PRKCQ: variants seen among roughly 807,000 people sequenced by gnomAD.
PRKCQ encodes protein kinase C theta type.
In PRKCQ, 41 loss-of-function variants were observed where a neutral mutation model predicts 91.2. The observed-to-expected ratio is 0.45, with a 90% CI of 0.35 to 0.58. PRKCQ has a LOEUF of 0.58. PRKCQ is among the 20% of genes least tolerant of loss of function. The pLI is 0.00. For missense variants in PRKCQ, 673 were observed against 896.5 expected (o/e 0.75, Z 3.18); for synonymous variants, 307 against 316.9 (o/e 0.97, Z 0.33).
At chr10:6,404,795 CCTT>C in the PRKCQ span, among the ~76,000 whole-genome samples, 1 of 133,400 alleles carries the variant, frequency 7.5e-6, no homozygotes. Flanking sequence ...CTCCTTCCTT[CCTT>C]CTTTCTCTCT....
At chr10:6,407,717 T>C in the PRKCQ span, among the ~76,000 whole-genome samples, 1 of 152,126 alleles carries the variant, frequency 6.6e-6, no homozygotes, top group African/African-American at 2.4e-5. This position sits in a 1 kb window ranked among gnomAD's most constrained non-coding sequence, Gnocchi z 4.0. Flanking sequence ...GGTGTGTGTG[T>C]TCATGTAACA....
At chr10:6,554,688 T>A (rs1840339118) in intron 1 of PRKCQ, among the ~76,000 whole-genome samples, 1 of 152,222 alleles carries the variant, frequency 6.6e-6, no homozygotes. Context: ...AGTCTTTTAT[T>A]AGAATTTACT....
At chr10:6,496,930 A>T in intron 7 of PRKCQ, 105 bp downstream of exon 7, 1 of 1,019,988 alleles carries the variant, frequency 9.8e-7, no homozygotes, top group Admixed American at 1.8e-5. Context: ...TCACTGATAA[A>T]TGGGAGGATG....
downstream of PRKCQ, among the ~76,000 whole-genome samples, chr10:6,424,967 G>C (rs1184452194): frequency 6.6e-6 from 1 of 152,226 alleles, no homozygotes; most frequent in Non-Finnish European, 1.5e-5. Context: ...GTGGTGATGA[G>C]AGGACCGGCA....
At chr10:6,580,331 C>CTGG (rs1841433106), upstream of PRKCQ, 2 of 149,286 alleles carry the variant, frequency 1.3e-5, no homozygotes, top group Admixed American at 6.6e-5. Flanking sequence ...GCTGGCGGGC[C>CTGG]CGGCGCACTG....
At chr10:6,467,313 GAGAGAGAC>G in intron 12 of PRKCQ, among the ~76,000 whole-genome samples, 1 of 135,484 alleles carries the variant, frequency 7.4e-6, no homozygotes. Flanking sequence ...GAGAGAGAGA[GAGAGAGAC>G]AGAGAGAGAC....
intron 1 of PRKCQ, among the ~76,000 whole-genome samples, chr10:6,548,735 G>T (rs548650468): frequency 1.3e-4 from 15 of 112,934 alleles, no homozygotes; most frequent in Non-Finnish European, 2.1e-4. Context: ...GACTGTTGTG[G>T]GGTGGGGGGA....
chr10:6,490,586 C>CA (rs144650548), intron 8 of PRKCQ, among the ~76,000 whole-genome samples: 21,258 of 143,890 alleles, frequency 0.15, 1,662 homozygotes, highest in African/African-American at 0.2. Flanking sequence ...CAAAGAAAAA[C>CA]AAAAAAAACA....
intron 1 of PRKCQ, among the ~76,000 whole-genome samples, chr10:6,517,572 A>G (rs1433894388): frequency 7.7e-6 from 1 of 130,618 alleles, no homozygotes; most frequent in Non-Finnish European, 1.6e-5. Context: ...AAAAAAATGC[A>G]TCTTTAAGAT....
chr10:6,505,497 CCCT>C (rs1230228665), intron 4 of PRKCQ, among the ~76,000 whole-genome samples: 2 of 142,156 alleles, frequency 1.4e-5, no homozygotes, highest in Admixed American at 7.3e-5. Flanking sequence ...TTCCCTCCCT[CCCT>C]CCTCCTTCCT....
At chr10:6,463,487 A>G (rs1168238905) in intron 13 of PRKCQ, among the ~76,000 whole-genome samples, 1 of 152,170 alleles carries the variant, frequency 6.6e-6, no homozygotes, top group African/African-American at 2.4e-5. Flanking sequence ...CTCTGGGTGC[A>G]TTGCTGAGGT....
intron 4 of PRKCQ, among the ~76,000 whole-genome samples, chr10:6,499,717 A>G (rs1837799934): frequency 6.6e-6 from 1 of 152,244 alleles, no homozygotes; most frequent in South Asian, 2.1e-4. Context: ...CATATTTCAC[A>G]ATGAGTTAAT....
At chr10:6,451,018 T>C (rs80116439) in intron 15 of PRKCQ, among the ~76,000 whole-genome samples, 3 of 151,096 alleles carry the variant, frequency 2.0e-5, no homozygotes, top group Non-Finnish European at 3.0e-5. Flanking sequence ...TTAAAAGAAC[T>C]AGAAAAGCAA....
chr10:6,455,016 G>A (rs929454999), intron 15 of PRKCQ, among the ~76,000 whole-genome samples: 72 of 152,284 alleles, frequency 4.7e-4, no homozygotes, highest in African/African-American at 1.7e-3. Flanking sequence ...ATCAGAGTAA[G>A]GCAGCCACAC....
rs1239499441 is a variant in PRKCQ at position 6,497,329 on chromosome 10, A to C, written c.543-78T>G. On this transcript the variant is annotated intron_variant, in intron 5 of 17. Transcript: ENST00000263125. This position sits in a 1 kb window ranked among gnomAD's most constrained non-coding sequence, Gnocchi z 4.5. ...CAACAGCATTTAAGAGATGGATGAG[A>C]TCTCATAACCCCCTAAGATCACAGA... is the stretch of plus-strand genomic sequence containing the variant. 1 of 1,520,898 alleles carries C rather than the reference A, an allele frequency of 6.6e-7. No homozygotes were observed. Among genetic ancestry groups the C allele is most frequent in the Non-Finnish European group, 9.1e-7 (1 of 1,096,528 alleles). The allele number at this position is 1,520,898 out of a possible 1,614,324, so 94.2% of individuals were successfully genotyped here.
At chr10:6,458,301 T>A (rs910189610) in intron 14 of PRKCQ, among the ~76,000 whole-genome samples, 7 of 151,890 alleles carry the variant, frequency 4.6e-5, no homozygotes, top group Non-Finnish European at 8.8e-5. Context: ...CAGCCCCCCA[T>A]GGGGGTGAGG....
intron 3 of PRKCQ, among the ~76,000 whole-genome samples, chr10:6,510,198 T>A (rs1016952245): frequency 6.6e-6 from 1 of 152,220 alleles, no homozygotes; most frequent in African/African-American, 2.4e-5. Flanking sequence ...CTGATATATT[T>A]TCTTTTATTT....
intron 1 of PRKCQ, among the ~76,000 whole-genome samples, chr10:6,557,692 T>G (rs942576069): frequency 1.3e-5 from 2 of 152,206 alleles, no homozygotes; most frequent in African/African-American, 4.8e-5. Flanking sequence ...GTCCCCTGTA[T>G]TCAACTCCAT....
intron 16 of PRKCQ, among the ~76,000 whole-genome samples, chr10:6,433,120 G>A (rs1833503253): frequency 3.3e-5 from 5 of 152,224 alleles, no homozygotes. Context: ...TTCTTTGAGA[G>A]GCAGGCACTG....
Sources: gnomAD v4.1 joint callset for allele counts (sites outside exome capture counted in the v4.1 genomes callset) on GRCh38, gnomAD v4.1.1 for gene constraint, Gnocchi (gnomAD v3.1) non-coding constraint, MANE v1.5 for transcripts, NCBI Gene and HGNC (gene_info 2026-07-23, HGNC 2026-07-21) for gene names.